The following MYO16 variants were observed in gnomAD, a reference collection of about 807,000 sequenced individuals.
MYO16 encodes the protein myosin XVI.
A neutral mutation model predicts 205.3 loss-of-function variants in MYO16; 94 were observed. The ratio of observed to expected loss-of-function variants is 0.46; its 90% CI spans 0.39 to 0.54. The LOEUF (loss-of-function observed/expected upper bound fraction) is 0.54, where lower values mean the gene tolerates loss of function less well. Ranked by LOEUF, MYO16 falls within the 20% of genes least tolerant of loss-of-function variation. The probability of loss-of-function intolerance (pLI) is 0.00; values close to 1 mark genes in which losing one functional copy is unlikely to be tolerated. For missense variants in MYO16, 2,315 were observed against 2,387.5 expected, an observed-to-expected ratio of 0.97 and a Z score of 0.63; for synonymous variants, 988 against 954.0, an observed-to-expected ratio of 1.04 and a Z score of -0.66.
intron 34 of MYO16, among the ~76,000 whole-genome samples, chr13:109,192,636 C>T (rs1212797000): frequency 1.3e-5 from 2 of 152,186 alleles, no homozygotes; most frequent in South Asian, 2.1e-4. Flanking sequence ...GCACCACTTA[C>T]AAGCATAGCC....
chr13:108,912,285 A>G (rs1881301034), intron 16 of MYO16, among the ~76,000 whole-genome samples: 1 of 152,152 alleles, frequency 6.6e-6, no homozygotes, highest in South Asian at 2.1e-4. Context: ...AGGGCTATGG[A>G]TATGGTTTGT....
chr13:108,525,158 A>T, the MYO16 span, among the ~76,000 whole-genome samples: 3 of 152,204 alleles, frequency 2.0e-5, no homozygotes. Context: ...ACACCACGAG[A>T]TAACGTGTGA....
intron 23 of MYO16, among the ~76,000 whole-genome samples, chr13:109,033,921 G>A (rs1214984055): frequency 6.6e-6 from 1 of 152,064 alleles, no homozygotes; most frequent in Non-Finnish European, 1.5e-5. Flanking sequence ...ACCAAAACTT[G>A]GACCCTCCTC....
At chr13:108,508,252 T>TG in the MYO16 span, among the ~76,000 whole-genome samples, 141 of 43,312 alleles carry the variant, frequency 3.3e-3, 1 homozygote, top group African/African-American at 8.5e-3. Context: ...CTTGGGCATT[T>TG]GAAAAAAAAA....
At chr13:109,105,743 T>A (rs1889105937) in intron 28 of MYO16, among the ~76,000 whole-genome samples, 1 of 152,242 alleles carries the variant, frequency 6.6e-6, no homozygotes, top group Admixed American at 6.5e-5. Flanking sequence ...TGTTCCAATA[T>A]ATAATTTCTG....
At chr13:108,810,250 A>T (rs147498289) in intron 7 of MYO16, among the ~76,000 whole-genome samples, 1 of 152,148 alleles carries the variant, frequency 6.6e-6, no homozygotes, top group South Asian at 2.1e-4. Context: ...CATTAAGCCT[A>T]CTCAAGTAGT....
At chr13:108,764,044 T>C (rs892993069) in intron 4 of MYO16, among the ~76,000 whole-genome samples, 2 of 152,300 alleles carry the variant, frequency 1.3e-5, no homozygotes, top group South Asian at 4.2e-4. Flanking sequence ...GAGAGTTTTT[T>C]TGTGGAAATG....
chr13:108,743,616 C>T (rs1884974948), intron 4 of MYO16, among the ~76,000 whole-genome samples: 1 of 152,272 alleles, frequency 6.6e-6, no homozygotes, highest in African/African-American at 2.4e-5. Flanking sequence ...TTGCAGGGAA[C>T]ATTTTCTTAA....
At chr13:108,659,198 ATG>A (rs199588624) in intron 1 of MYO16, among the ~76,000 whole-genome samples, 19 of 146,858 alleles carry the variant, frequency 1.3e-4, no homozygotes, top group East Asian at 3.9e-4. Flanking sequence ...GTGTATATAT[ATG>A]TGTGTGTGTG....
chr13:108,985,839 T>G (rs144303597), intron 20 of MYO16, among the ~76,000 whole-genome samples: 169 of 152,354 alleles, frequency 1.1e-3, no homozygotes, highest in African/African-American at 3.9e-3. Flanking sequence ...ATAGTTGTGA[T>G]CCAAGTGAGC....
At chr13:108,567,788 C>T in the MYO16 span, among the ~76,000 whole-genome samples, 1 of 152,134 alleles carries the variant, frequency 6.6e-6, no homozygotes, top group African/African-American at 2.4e-5. Flanking sequence ...ACAATCACCA[C>T]AATCATCACC....
Position 108,897,998 on chromosome 13 carries a change from T to C in MYO16, c.1660-18T>C. ...TTAAAATATGAGCAGTTCAGTAAAATGTTCTCCTCTCCCACAGGTCGTGTG... is the reference window on the plus strand; with the variant it reads ...TTAAAATATGAGCAGTTCAGTAAAACGTTCTCCTCTCCCACAGGTCGTGTG... On this transcript the variant is annotated intron_variant, in intron 14 of 34. Transcript: ENST00000457511. 2 of 1,558,726 alleles carry C rather than the reference T, an allele frequency of 1.3e-6. No individual in the cohort carries two copies. The highest frequency in any genetic ancestry group is 2.2e-5 in the East Asian group (1 of 44,594).
chr13:109,079,058 CT>C (rs34509481), intron 27 of MYO16, among the ~76,000 whole-genome samples: 86,008 of 151,906 alleles, frequency 0.57, 24,526 homozygotes, highest in Non-Finnish European at 0.6. Context: ...CCCCGAAACT[CT>C]TAACTGGTTG....
At chr13:108,600,887 T>C (rs903233127) in intron 1 of MYO16, among the ~76,000 whole-genome samples, 10 of 152,310 alleles carry the variant, frequency 6.6e-5, no homozygotes, top group African/African-American at 2.2e-4. Context: ...TTTCCAACTT[T>C]ATATTTTCCA....
Position 108,972,249 on chromosome 13 carries a change from CTATA to C in MYO16, c.2369+7375_2369+7378del, listed in dbSNP as rs1158879237. 7.7e-3 allele frequency among the ~76,000 whole-genome samples: 22 copies of C among 2,844 alleles called. 1 individual carries two copies. Among genetic ancestry groups the C allele is most frequent in the East Asian group, 0.03 (2 of 66 alleles). The allele number at this position is 2,844 out of a possible 152,430, so 1.9% of individuals were successfully genotyped here. On this transcript the variant is annotated intron_variant, in intron 20 of 34. Coordinates refer to ENST00000457511, the MANE Select transcript of MYO16 (RefSeq NM_001198950.3). ...TCTCTCTCTCTCTCTCTCTCTCTCT[CTATA>C]TATATATATATATATATATATATAT...
intron 33 of MYO16, among the ~76,000 whole-genome samples, chr13:109,178,349 A>G (rs1159596682): frequency 1.3e-5 from 2 of 152,086 alleles, no homozygotes; most frequent in African/African-American, 2.4e-5. Flanking sequence ...TTCCATACCA[A>G]GGTATCTGGA....
chr13:108,854,382 C>T lies in MYO16; in HGVS notation c.1249-1061C>T, dbSNP rs115179562. ...AACTCATGGGAAAGATTTTACTTTG[C>T]GAAATATCCACTAATATCAGAAAAA... is the stretch of plus-strand genomic sequence containing the variant. On this transcript the variant is annotated intron_variant, in intron 10 of 34. Transcript: ENST00000457511. 7.3e-3 allele frequency among the ~76,000 whole-genome samples: 1,116 copies of T among 151,916 alleles called. 19 individuals are homozygous for T. The highest frequency in any genetic ancestry group is 0.025 in the African/African-American group (1,037 of 41,406).
At chr13:108,692,967 A>G (rs1320517250) in intron 2 of MYO16, among the ~76,000 whole-genome samples, 2 of 152,206 alleles carry the variant, frequency 1.3e-5, no homozygotes, top group Non-Finnish European at 2.9e-5. Flanking sequence ...CTACATGTAC[A>G]TATATCTTGC....
intron 13 of MYO16, among the ~76,000 whole-genome samples, chr13:108,883,834 A>C (rs1879730785): frequency 6.6e-6 from 1 of 152,150 alleles, no homozygotes; most frequent in African/African-American, 2.4e-5. Context: ...TATATTGCCC[A>C]GGCTGGTCTC....
Sources: allele counts gnomAD v4.1 joint callset (sites outside exome capture counted in the v4.1 genomes callset), GRCh38; gene constraint gnomAD v4.1.1; transcripts MANE v1.5; gene names NCBI Gene and HGNC (gene_info 2026-07-23, HGNC 2026-07-21).